Variants in ACVR1C observed in about 807,000 individuals in gnomAD.
ACVR1C encodes the protein activin A receptor type 1C, also known as activin receptor type-1C.
ACVR1C carries 23 observed loss-of-function variants against 57.9 expected under a neutral mutation model. That is an observed-to-expected ratio of 0.40 (90% CI 0.29 to 0.56). ACVR1C has a LOEUF of 0.56. Among genes scored for constraint, ACVR1C ranks in the 20% least tolerant of loss-of-function variants. The pLI, the probability that ACVR1C is intolerant of heterozygous loss-of-function variation, is 0.50. For missense variants in ACVR1C, 480 were observed against 607.9 expected (o/e 0.79, Z 2.21); for synonymous variants, 214 against 215.3 (o/e 0.99, Z 0.05).
intron 4 of ACVR1C, among the ~76,000 whole-genome samples, chr2:157,546,418 T>C (rs951646623): frequency 1.1e-4 from 16 of 152,254 alleles, no homozygotes; most frequent in Admixed American, 4.6e-4. Flanking sequence ...TGCTAAATGC[T>C]AAGCCTCTCT....
intron 1 of ACVR1C, among the ~76,000 whole-genome samples, chr2:157,593,458 C>T (rs541013583): frequency 6.6e-5 from 10 of 152,266 alleles, no homozygotes; most frequent in African/African-American, 2.2e-4. Flanking sequence ...TTAGTTTATT[C>T]AATTTCTCTA....
In ACVR1C at chr2:157,530,597, TA is replaced by T. The variant is rs1687330990; in HGVS notation, c.*3320del. On this transcript the variant is annotated 3_prime_UTR_variant, in exon 9 of 9. Coordinates refer to ENST00000243349, the MANE Select transcript of ACVR1C (RefSeq NM_145259.3). ...TCTATTGTAGATTTTCATTTTTAAA[TA>T]AAAGCTAATTTTAATTTTTTCAGAT... 1 of 152,144 alleles carries T rather than the reference TA, an allele frequency of 6.6e-6. No individual in the cohort carries two copies. Among genetic ancestry groups the T allele is most frequent in the Non-Finnish European group, 1.5e-5 (1 of 67,988 alleles). The allele number at this position is 152,144 out of a possible 1,614,324, so 9.4% of individuals were successfully genotyped here. A position where few individuals can be genotyped will look rare whatever the true frequency, so the allele number is the denominator to read the frequency against.
chr2:157,556,015 C>A, intron 3 of ACVR1C, 78 bp downstream of exon 3: 2 of 1,474,762 alleles, frequency 1.4e-6, no homozygotes, highest in South Asian at 2.8e-5. Context: ...TATTTGGGCC[C>A]TTTTTGTTAA....
intron 1 of ACVR1C, among the ~76,000 whole-genome samples, chr2:157,616,725 G>A (rs1221746761): frequency 6.6e-6 from 1 of 152,112 alleles, no homozygotes; most frequent in Non-Finnish European, 1.5e-5. Context: ...GAAGATTGAA[G>A]TGTCAGGTGT....
rs374870215 is a variant in ACVR1C at position 157,627,369 on chromosome 2, C to T, written c.73+1203G>A. ...ATTTCACTTTATCCCATCATCTTTC[C>T]GACAGTCTTGGGCTGTTTTCCTAAA... On this transcript the variant is annotated intron_variant, in intron 1 of 8. Coordinates refer to ENST00000243349, the MANE Select transcript of ACVR1C (RefSeq NM_145259.3). Among the ~76,000 whole-genome samples the T allele has an allele frequency of 3.3e-5, 5 of 152,238 alleles. No homozygotes were observed. In the East Asian group the frequency reaches 5.8e-4, roughly 18 times the overall value.
At chr2:157,545,511 C>G (rs1687730627) in intron 4 of ACVR1C, among the ~76,000 whole-genome samples, 1 of 152,200 alleles carries the variant, frequency 6.6e-6, no homozygotes, top group Non-Finnish European at 1.5e-5. Flanking sequence ...AACCCTTACT[C>G]ACACCTCTCT....
In ACVR1C at chr2:157,550,281, A is replaced by G; in HGVS notation, c.656T>C (p.Val219Ala). 1 of 1,614,180 alleles carries G rather than the reference A, an allele frequency of 6.2e-7. No homozygotes were observed. Among genetic ancestry groups the G allele is most frequent in the Non-Finnish European group, 8.5e-7 (1 of 1,180,036 alleles). Reference protein sequence around the residue: ...VWHGRWCGEDVAVKIFSSRDE... With the variant: ...VWHGRWCGEDAAVKIFSSRDE... ...TCTGGAGGAGAATATTTTCACAGCC[A>G]CATCTTCCCCACACCATCTTCCATG... Residue 219 changes from valine (V) to alanine (A), a missense_variant, in exon 4 of 9, where the codon GTG becomes GCG. Physicochemically the swap from Val to Ala is moderately conservative, Grantham distance 64. Transcript: ENST00000243349.
At chr2:157,570,407 A>G (rs1688489740) in intron 2 of ACVR1C, among the ~76,000 whole-genome samples, 1 of 75,730 alleles carries the variant, frequency 1.3e-5, no homozygotes, top group Non-Finnish European at 2.7e-5. Context: ...TCAATTAGGA[A>G]AAGAGGAAGT....
chr2:157,625,246 C>T (rs1330588467), intron 1 of ACVR1C, among the ~76,000 whole-genome samples: 1 of 152,132 alleles, frequency 6.6e-6, no homozygotes, highest in Non-Finnish European at 1.5e-5. Context: ...CAGTCTGCCC[C>T]ACCCCAATTA....
intron 7 of ACVR1C, among the ~76,000 whole-genome samples, chr2:157,539,554 T>C (rs1313033461): frequency 5.9e-5 from 9 of 152,184 alleles, no homozygotes; most frequent in Admixed American, 5.9e-4. Flanking sequence ...TAAAAGCAAA[T>C]CTAGACTAAT....
At chr2:157,589,785 TATAGGGCTACA>T (rs1288339193) in intron 1 of ACVR1C, among the ~76,000 whole-genome samples, 1 of 151,836 alleles carries the variant, frequency 6.6e-6, no homozygotes, top group East Asian at 1.9e-4. Flanking sequence ...ATACTATAAA[TATAGGGCTACA>T]GTAACCAAAA....
At chr2:157,575,198 G>A (rs1002206485) in intron 2 of ACVR1C, among the ~76,000 whole-genome samples, 8 of 146,034 alleles carry the variant, frequency 5.5e-5, no homozygotes, top group Non-Finnish European at 1.1e-4. Context: ...GTGCGATCTC[G>A]CCTTACTACA....
intron 8 of ACVR1C, among the ~76,000 whole-genome samples, chr2:157,538,189 G>T (rs759968354): frequency 5.3e-5 from 8 of 152,174 alleles, no homozygotes; most frequent in Non-Finnish European, 7.3e-5. Flanking sequence ...GCATTAAAGG[G>T]TCAGTGTGTG....
chr2:157,576,835 C>CT (rs1166673398), intron 2 of ACVR1C, among the ~76,000 whole-genome samples: 885 of 41,744 alleles, frequency 0.021, 300 homozygotes, highest in African/African-American at 0.034. Flanking sequence ...TTGAAATTTT[C>CT]TTTTTTTTTT....
chr2:157,606,128 G>C (rs1682390580), intron 1 of ACVR1C, among the ~76,000 whole-genome samples: 1 of 151,538 alleles, frequency 6.6e-6, no homozygotes, highest in South Asian at 2.1e-4. Flanking sequence ...CAAATAACAT[G>C]GTTACATTCT....
intron 1 of ACVR1C, among the ~76,000 whole-genome samples, chr2:157,615,864 C>G (rs1309950908): frequency 6.6e-6 from 1 of 152,122 alleles, no homozygotes; most frequent in Non-Finnish European, 1.5e-5. Context: ...AAGTCTGCTG[C>G]AATTCTTAAC....
At position 157,538,599 on chromosome 2, in the gene ACVR1C, T is replaced by C. The variant is rs1293773025; in HGVS notation, c.1330A>G (p.Ile444Val). ...VVCDQKFRPS[I>V]PNQWQSCEAL... ...TCACAACTTTGCCACTGGTTTGGGATACTTGGTCGAAACTTCTGGTCACAA... is the reference window on the plus strand; with the variant it reads ...TCACAACTTTGCCACTGGTTTGGGACACTTGGTCGAAACTTCTGGTCACAA... The change falls in exon 8 of 9, where the codon ATC becomes GTC. Residue 444 changes from isoleucine to valine, a missense_variant. Coordinates refer to ENST00000243349, the MANE Select transcript of ACVR1C (RefSeq NM_145259.3). 3 of 1,579,262 alleles carry C rather than the reference T, an allele frequency of 1.9e-6. No individual in the cohort carries two copies. Among genetic ancestry groups the C allele is most frequent in the South Asian group, 1.2e-5 (1 of 83,370 alleles).
rs533363528 is a variant in ACVR1C at position 157,595,478 on chromosome 2, A to G, written c.74-8061T>C. ...AGAAAAGAGTATTCCCAATCACAGG[A>G]CACATTTCCTCTGCTAATCACATAT... On this transcript the variant is annotated intron_variant, in intron 1 of 8. Transcript: ENST00000243349. Among the ~76,000 whole-genome samples the G allele has an allele frequency of 3.9e-5, 6 of 152,316 alleles. No individual in the cohort carries two copies. In the South Asian group the frequency reaches 1.2e-3, roughly 32 times the overall value.
At chr2:157,603,637 T>C (rs534130751) in intron 1 of ACVR1C, among the ~76,000 whole-genome samples, 1 of 152,252 alleles carries the variant, frequency 6.6e-6, no homozygotes. Flanking sequence ...GAGCTTTATC[T>C]GTGTACAGAT....
Sources: allele counts gnomAD v4.1 joint callset (sites outside exome capture counted in the v4.1 genomes callset), GRCh38; gene constraint gnomAD v4.1.1; transcripts MANE v1.5; gene names NCBI Gene and HGNC (gene_info 2026-07-23, HGNC 2026-07-21).